The following MACROD2 variants were observed in gnomAD, a reference collection of about 807,000 sequenced individuals.
The protein encoded by MACROD2 is mono-ADP ribosylhydrolase 2, also known as ADP-ribose glycohydrolase MACROD2.
MACROD2 carries 36 observed loss-of-function variants against 70.4 expected under a neutral mutation model. The ratio of observed to expected loss-of-function variants is 0.51; its 90% confidence interval spans 0.39 to 0.68. The LOEUF (loss-of-function observed/expected upper bound fraction) is 0.68, where lower values mean the gene tolerates loss of function less well. Ranked by LOEUF, MACROD2 falls within the 30% of genes least tolerant of loss-of-function variation. MACROD2 has a pLI of 0.00. For synonymous variants in MACROD2, 172 were observed against 178.8 expected (o/e 0.96, Z 0.30); for missense variants, 496 against 538.4 (o/e 0.92, Z 0.78).
At chr20:14,925,304 A>G (rs409975) in intron 5 of MACROD2, among the ~76,000 whole-genome samples, 21,887 of 151,930 alleles carry the variant, frequency 0.14, 1,742 homozygotes, top group South Asian at 0.18. Flanking sequence ...CAAATCCAGG[A>G]AAAAGAAACA....
intron 12 of MACROD2, among the ~76,000 whole-genome samples, chr20:15,950,472 C>G (rs749320927): frequency 2.0e-4 from 31 of 152,224 alleles, no homozygotes; most frequent in Non-Finnish European, 3.5e-4. Flanking sequence ...ACCAACTGAT[C>G]ATTGTAAATA....
chr20:14,993,184 C>T (rs1440101278), intron 5 of MACROD2, among the ~76,000 whole-genome samples: 2 of 151,716 alleles, frequency 1.3e-5, no homozygotes, highest in Non-Finnish European at 2.9e-5. Context: ...TTAACTGCCC[C>T]TTGCTATTCG....
chr20:15,772,679 A>C (rs1042889039), intron 8 of MACROD2, among the ~76,000 whole-genome samples: 27 of 152,130 alleles, frequency 1.8e-4, no homozygotes, highest in Admixed American at 2.0e-4. Flanking sequence ...AGGGGAAGCA[A>C]GGACCTTCTT....
intron 3 of MACROD2, among the ~76,000 whole-genome samples, chr20:14,195,672 C>T (rs916126236): frequency 5.3e-5 from 8 of 152,084 alleles, no homozygotes; most frequent in African/African-American, 1.7e-4. Context: ...ATTGAGAGGA[C>T]ATTGAGGGGA....
intron 2 of MACROD2, among the ~76,000 whole-genome samples, chr20:14,061,956 G>A (rs3848781): frequency 0.74 from 112,684 of 152,022 alleles, 43,057 homozygotes; most frequent in South Asian, 0.84. Flanking sequence ...AAATCCTGAT[G>A]TCTTGGCCCT....
intron 15 of MACROD2, among the ~76,000 whole-genome samples, chr20:15,993,386 T>C (rs2066585367): frequency 6.6e-6 from 1 of 152,082 alleles, no homozygotes; most frequent in African/African-American, 2.4e-5. Context: ...CTATGTTTAG[T>C]TATGTTTTGA....
At chr20:14,964,600 TAAAG>T (rs1233484505) in intron 5 of MACROD2, among the ~76,000 whole-genome samples, 5 of 150,826 alleles carry the variant, frequency 3.3e-5, no homozygotes, top group Non-Finnish European at 7.4e-5. Context: ...AAAAAAAAAA[TAAAG>T]AGAGACTGCA....
intron 3 of MACROD2, among the ~76,000 whole-genome samples, chr20:14,260,893 A>G (rs1379574749): frequency 6.6e-6 from 1 of 152,212 alleles, no homozygotes; most frequent in African/African-American, 2.4e-5. Context: ...GGCCTATTCC[A>G]TACTGAGAAT....
intron 8 of MACROD2, among the ~76,000 whole-genome samples, chr20:15,549,344 A>G (rs577002643): frequency 6.6e-6 from 1 of 152,312 alleles, no homozygotes; most frequent in African/African-American, 2.4e-5. Flanking sequence ...CTGTATGTCA[A>G]TTTCATTTCC....
chr20:14,746,722 A>G (rs1044252846), intron 5 of MACROD2, among the ~76,000 whole-genome samples: 2 of 152,170 alleles, frequency 1.3e-5, no homozygotes, highest in Non-Finnish European at 2.9e-5. Flanking sequence ...CCATTAACGC[A>G]TTAATGTGCT....
chr20:14,115,143 G>T (rs1235249602), intron 3 of MACROD2, among the ~76,000 whole-genome samples: 3 of 152,074 alleles, frequency 2.0e-5, no homozygotes, highest in Non-Finnish European at 4.4e-5. Flanking sequence ...TGCGTCAAAG[G>T]TTCAGTGGGT....
intron 5 of MACROD2, among the ~76,000 whole-genome samples, chr20:14,938,534 A>T (rs57083966): frequency 0.026 from 4,006 of 152,220 alleles, 183 homozygotes; most frequent in African/African-American, 0.091. Context: ...TAATTCCAGC[A>T]TTTTGGGAGG....
intron 5 of MACROD2, among the ~76,000 whole-genome samples, chr20:15,055,693 A>G (rs1369789084): frequency 1.3e-5 from 2 of 152,130 alleles, no homozygotes; most frequent in African/African-American, 4.8e-5. Flanking sequence ...AAGTGGAACA[A>G]GGTTTAGCCC....
At chr20:14,180,924 T>C (rs2081300218) in intron 3 of MACROD2, among the ~76,000 whole-genome samples, 1 of 150,574 alleles carries the variant, frequency 6.6e-6, no homozygotes, top group African/African-American at 2.4e-5. Context: ...TTAGTAAGGA[T>C]ATATGTGTTA....
At chr20:15,908,351 G>A (rs1032095324) in intron 10 of MACROD2, among the ~76,000 whole-genome samples, 2 of 152,194 alleles carry the variant, frequency 1.3e-5, no homozygotes, top group African/African-American at 2.4e-5. Context: ...GCTATTGCTT[G>A]GTTTCAGGTG....
At chr20:14,003,580 C>T in intron 2 of MACROD2, 1 of 405,296 alleles carries the variant, frequency 2.5e-6, no homozygotes. Flanking sequence ...TAAGAAGCCC[C>T]TGCCTGATCA....
intron 4 of MACROD2, among the ~76,000 whole-genome samples, chr20:14,631,520 C>T (rs1356341037): frequency 6.6e-6 from 1 of 152,142 alleles, no homozygotes; most frequent in African/African-American, 2.4e-5. Context: ...CCTGTAATCC[C>T]AGCACTTTGG....
chr20:14,464,350 A>G (rs901416606), intron 3 of MACROD2, among the ~76,000 whole-genome samples: 1 of 152,052 alleles, frequency 6.6e-6, no homozygotes, highest in Admixed American at 6.6e-5. Flanking sequence ...CTCTGATTGT[A>G]GTTTGTATTT....
At chr20:15,071,422 A>G (rs907097512) in intron 5 of MACROD2, among the ~76,000 whole-genome samples, 2 of 152,190 alleles carry the variant, frequency 1.3e-5, no homozygotes, top group African/African-American at 4.8e-5. Flanking sequence ...TGTCAGATTC[A>G]TGCCTTCCTT....
Sources: gnomAD v4.1 joint callset for allele counts (sites outside exome capture counted in the v4.1 genomes callset) on GRCh38, gnomAD v4.1.1 for gene constraint, MANE v1.5 for transcripts, NCBI Gene and HGNC (gene_info 2026-07-23, HGNC 2026-07-21) for gene names.